Variants in OSTN observed in about 807,000 individuals in gnomAD.
OSTN encodes the protein osteocrin.
In OSTN, 9 loss-of-function variants were observed where a neutral mutation model predicts 12.0. The observed-to-expected ratio is 0.75, with a 90% CI of 0.45 to 1.30. The LOEUF (loss-of-function observed/expected upper bound fraction) is 1.30. Ranked by LOEUF, OSTN falls within the 50% of genes most tolerant of loss-of-function variation. The probability of loss-of-function intolerance (pLI) is 0.00; values close to 1 mark genes in which losing one functional copy is unlikely to be tolerated. For synonymous variants in OSTN, 59 were observed against 56.9 expected, an observed-to-expected ratio of 1.04 and a Z score of -0.16; for missense variants, 148 against 152.3, an observed-to-expected ratio of 0.97 and a Z score of 0.15.
chr3:191,246,865 G>T (rs1715446201), intron 3 of OSTN, among the ~76,000 whole-genome samples: 2 of 152,136 alleles, frequency 1.3e-5, no homozygotes, highest in African/African-American at 4.8e-5. Flanking sequence ...TAAATCCTTA[G>T]ATTGCTGTTC....
chr3:191,250,166 C>T, intron 4 of OSTN, 33 bp downstream of exon 4: 2 of 1,445,940 alleles, frequency 1.4e-6, no homozygotes, highest in Non-Finnish European at 1.9e-6. Context: ...ACAGTATATG[C>T]AGGTATTTGA....
At chr3:191,261,856 C>G (rs1715818286) in intron 4 of OSTN, among the ~76,000 whole-genome samples, 1 of 152,156 alleles carries the variant, frequency 6.6e-6, no homozygotes, top group African/African-American at 2.4e-5. Context: ...CCTAGCTTTT[C>G]TAGATGAAAT....
chr3:191,250,319 A>C (rs551829938), intron 4 of OSTN, among the ~76,000 whole-genome samples, 186 bp downstream of exon 4: 1 of 152,188 alleles, frequency 6.6e-6, no homozygotes, highest in Admixed American at 6.5e-5. Context: ...AATGATATTT[A>C]AAAAGCAAAA....
At chr3:191,200,088 T>G (rs959093219) in intron 1 of OSTN, among the ~76,000 whole-genome samples, 3 of 152,196 alleles carry the variant, frequency 2.0e-5, no homozygotes, top group Admixed American at 2.0e-4. Context: ...TCTAAAAATT[T>G]AACATTTTTG....
chr3:191,217,979 G>A (rs867216431), intron 2 of OSTN, among the ~76,000 whole-genome samples: 8 of 151,840 alleles, frequency 5.3e-5, no homozygotes, highest in Admixed American at 4.6e-4. Flanking sequence ...TGAATACTAT[G>A]AGCAAAATAC....
At chr3:191,250,204 C>G (rs1715528786) in intron 4 of OSTN, 71 bp downstream of exon 4, 6 of 1,180,860 alleles carry the variant, frequency 5.1e-6, no homozygotes, top group Non-Finnish European at 5.0e-6. Context: ...ACTAATCAAT[C>G]CATTCTTGCT....
intron 3 of OSTN, among the ~76,000 whole-genome samples, chr3:191,237,206 CT>C (rs1715212198): frequency 6.6e-6 from 1 of 152,170 alleles, no homozygotes; most frequent in African/African-American, 2.4e-5. Flanking sequence ...CCTCAAGCGA[CT>C]TTCTACAAAG....
At chr3:191,259,487 C>T (rs2108557131) in intron 4 of OSTN, among the ~76,000 whole-genome samples, 1 of 133,186 alleles carries the variant, frequency 7.5e-6, no homozygotes, top group East Asian at 1.9e-4. Context: ...AGGCGTGAGC[C>T]ACCTTGCCTG....
At position 191,263,745 on chromosome 3, in the gene OSTN, A is replaced by G. The variant is rs536286888; in HGVS notation, c.*892A>G. The G allele has an allele frequency of 6.6e-6, 1 of 152,260 alleles. No homozygotes were observed. Among genetic ancestry groups the G allele is most frequent in the Non-Finnish European group, 1.5e-5 (1 of 67,986 alleles). 9.4% of individuals were successfully genotyped at this position (152,260 alleles called of 1,614,324 possible). A position where few individuals can be genotyped will look rare whatever the true frequency, so the allele number is the denominator to read the frequency against. ...TCACATATTGGCTTCTTTGGCTTCAATTGTCTTATTATCCTTAGTAAGCCA... is the reference window on the plus strand; with the variant it reads ...TCACATATTGGCTTCTTTGGCTTCAGTTGTCTTATTATCCTTAGTAAGCCA... On this transcript the variant is annotated 3_prime_UTR_variant, in exon 5 of 5. Transcript: ENST00000682035.
chr3:191,239,712 C>T (rs1212007068), intron 3 of OSTN, among the ~76,000 whole-genome samples: 1 of 152,246 alleles, frequency 6.6e-6, no homozygotes, highest in Non-Finnish European at 1.5e-5. Flanking sequence ...TTATTCAAAA[C>T]TACCCCATTT....
intron 3 of OSTN, among the ~76,000 whole-genome samples, chr3:191,238,724 A>C (rs1351897103): frequency 6.6e-6 from 1 of 152,200 alleles, no homozygotes; most frequent in Non-Finnish European, 1.5e-5. Flanking sequence ...AATGCCTTTG[A>C]GCATAATGAT....
chr3:191,215,049 T>C (rs960330811), intron 2 of OSTN, among the ~76,000 whole-genome samples: 3 of 152,160 alleles, frequency 2.0e-5, no homozygotes, highest in Non-Finnish European at 4.4e-5. Context: ...GACTAGGTAA[T>C]TTATAAAGGA....
intron 4 of OSTN, among the ~76,000 whole-genome samples, chr3:191,257,666 T>G (rs1715702602): frequency 6.6e-6 from 1 of 152,134 alleles, no homozygotes; most frequent in Admixed American, 6.5e-5. Flanking sequence ...AAGCAACAAT[T>G]TTTTGGCCAT....
At chr3:191,217,449 G>T (rs990983656) in intron 2 of OSTN, among the ~76,000 whole-genome samples, 1 of 152,160 alleles carries the variant, frequency 6.6e-6, no homozygotes, top group African/African-American at 2.4e-5. Context: ...ATGGAAGAAT[G>T]ACTAAAAGTG....
intron 3 of OSTN, among the ~76,000 whole-genome samples, chr3:191,241,587 T>C (rs1236481842): frequency 1.3e-5 from 2 of 152,282 alleles, no homozygotes; most frequent in East Asian, 3.9e-4. Flanking sequence ...CACACTCTGA[T>C]TCCAAGTTTC....
chr3:191,262,305 G>A (rs1372175074), intron 4 of OSTN, among the ~76,000 whole-genome samples: 1 of 152,166 alleles, frequency 6.6e-6, no homozygotes, highest in East Asian at 1.9e-4. Flanking sequence ...TGAGACACAT[G>A]TTGCTGAATT....
intron 3 of OSTN, chr3:191,230,020 C>G (rs1715009670): frequency 6.6e-6 from 1 of 151,240 alleles, no homozygotes; most frequent in Non-Finnish European, 1.5e-5. Flanking sequence ...GAGCCAAGAT[C>G]GCAGCACTGC....
chr3:191,217,565 A>G (rs992718016), intron 2 of OSTN, among the ~76,000 whole-genome samples: 1 of 152,206 alleles, frequency 6.6e-6, no homozygotes, highest in African/African-American at 2.4e-5. Context: ...ATGACTCAAG[A>G]TTGTTAATAG....
At chr3:191,207,869 C>T (rs897337357) in intron 1 of OSTN, among the ~76,000 whole-genome samples, 1 of 152,210 alleles carries the variant, frequency 6.6e-6, no homozygotes, top group Non-Finnish European at 1.5e-5. Flanking sequence ...TACCATCATT[C>T]TAGCCAGTTT....
Sources: allele counts gnomAD v4.1 joint callset (sites outside exome capture counted in the v4.1 genomes callset), GRCh38; gene constraint gnomAD v4.1.1; transcripts MANE v1.5; gene names NCBI Gene and HGNC (gene_info 2026-07-23, HGNC 2026-07-21).